MSN: variants seen among roughly 807,000 people sequenced by gnomAD.
MSN encodes the protein epididymis luminal protein 70.
MSN carries 2 observed loss-of-function variants against 48.0 expected under a neutral mutation model. That is an observed-to-expected ratio of 0.04 (90% confidence interval 0.02 to 0.13). The LOEUF is 0.13. Among genes scored for constraint, MSN ranks in the 10% least tolerant of loss-of-function variants. MSN has a pLI of 1.00. For missense variants in MSN, 267 were observed against 470.1 expected (o/e 0.57, Z 3.99); for synonymous variants, 146 against 166.9 (o/e 0.87, Z 0.97).
intron 1 of MSN, among the ~76,000 whole-genome samples, chrX:65,677,232 A>G (rs1329379051): frequency 9.0e-6 from 1 of 111,728 alleles, no homozygotes; most frequent in Non-Finnish European, 1.9e-5. Flanking sequence ...AATCTATGGT[A>G]TAGAGTTGGA....
intron 1 of MSN, among the ~76,000 whole-genome samples, chrX:65,653,497 T>C (rs1400421751): frequency 9.0e-6 from 1 of 110,608 alleles, no homozygotes; most frequent in Non-Finnish European, 1.9e-5. Flanking sequence ...GAGTAAAGAA[T>C]GAGAAAAAGT....
intron 2 of MSN, among the ~76,000 whole-genome samples, chrX:65,722,025 T>G (rs1332839006): frequency 1.8e-5 from 2 of 111,876 alleles, no homozygotes; most frequent in African/African-American, 6.5e-5. Context: ...AAGGTTACAG[T>G]GAGCTATGAT....
chrX:65,692,528 G>T (rs2071184269), intron 1 of MSN, among the ~76,000 whole-genome samples: 1 of 112,643 alleles, frequency 8.9e-6, no homozygotes, highest in Admixed American at 9.4e-5. Flanking sequence ...TATTTATCCA[G>T]GTTTGAGGCC....
At chrX:65,626,888 T>G (rs961893081) in intron 1 of MSN, among the ~76,000 whole-genome samples, 1 of 111,846 alleles carries the variant, frequency 8.9e-6, no homozygotes, top group Non-Finnish European at 1.9e-5. Flanking sequence ...TGATTTGTGA[T>G]TAATACCTGC....
intron 1 of MSN, among the ~76,000 whole-genome samples, chrX:65,618,233 C>A (rs2070395629): frequency 9.0e-6 from 1 of 111,432 alleles, no homozygotes; most frequent in Admixed American, 9.6e-5. Flanking sequence ...CCGCTTGGTG[C>A]AGAGCTGAGT....
intron 1 of MSN, among the ~76,000 whole-genome samples, chrX:65,694,686 A>G (rs758432282): frequency 8.0e-5 from 9 of 112,356 alleles, no homozygotes; most frequent in Non-Finnish European, 1.5e-4. Context: ...AGTGATGCCA[A>G]TGACTGGCCT....
At chrX:65,723,386 C>T (rs920890064) in intron 2 of MSN, among the ~76,000 whole-genome samples, 12 of 111,662 alleles carry the variant, frequency 1.1e-4, no homozygotes, top group Non-Finnish European at 1.7e-4. Flanking sequence ...ACCACACCCC[C>T]TATGTCCCTT....
chrX:65,644,505 G>C (rs772556012), intron 1 of MSN, among the ~76,000 whole-genome samples: 75 of 111,651 alleles, frequency 6.7e-4, no homozygotes, highest in Admixed American at 3.7e-3. Context: ...CCACCTCTCT[G>C]ACCCCCATAA....
At chrX:65,698,274 C>G (rs1398417668) in intron 1 of MSN, among the ~76,000 whole-genome samples, 2 of 112,175 alleles carry the variant, frequency 1.8e-5, no homozygotes, top group African/African-American at 6.5e-5. Flanking sequence ...AAGACTGTAC[C>G]TGAGAAACAC....
At chrX:65,718,343 A>C (rs1022299850) in intron 2 of MSN, among the ~76,000 whole-genome samples, 5 of 110,794 alleles carry the variant, frequency 4.5e-5, no homozygotes, top group African/African-American at 1.6e-4. Flanking sequence ...CTTACCTGTT[A>C]CTCAAAAATC....
intron 1 of MSN, among the ~76,000 whole-genome samples, chrX:65,615,538 T>A (rs1441898801): frequency 1.9e-3 from 208 of 108,327 alleles, no homozygotes; most frequent in Middle Eastern, 4.7e-3. Flanking sequence ...CTTCGCCCAC[T>A]TTTTGATGGG....
chrX:65,672,019 A>G (rs188099282), intron 1 of MSN, among the ~76,000 whole-genome samples: 3 of 112,125 alleles, frequency 2.7e-5, no homozygotes, highest in African/African-American at 9.7e-5. Flanking sequence ...CATCTAGTCT[A>G]TTTCCCCTGC....
chrX:65,603,122 C>T (rs944278355), intron 1 of MSN, among the ~76,000 whole-genome samples: 2 of 111,575 alleles, frequency 1.8e-5, no homozygotes, highest in East Asian at 2.8e-4. Context: ...GGTGAAACCT[C>T]GTCTCTACTA....
In MSN at chrX:65,646,271, G is replaced by T. The variant is rs185308169; in HGVS notation, c.-22+57659G>T. On this transcript the variant is annotated intron_variant, in intron 1 of 3. Transcript: ENST00000609672. ...CCTCTTTCATTTCTCCCCTCAACAGGGTTCCTCAGTTTTAACTTCCTGATC... is the reference window on the plus strand; with the variant it reads ...CCTCTTTCATTTCTCCCCTCAACAGTGTTCCTCAGTTTTAACTTCCTGATC... 1.2e-4 allele frequency among the ~76,000 whole-genome samples: 13 copies of T among 111,055 alleles called. No homozygotes were observed. In the East Asian group the frequency reaches 3.7e-3, roughly 31 times the overall value.
chrX:65,653,161 G>A (rs2070754381), intron 1 of MSN, among the ~76,000 whole-genome samples: 1 of 111,347 alleles, frequency 9.0e-6, no homozygotes, highest in Non-Finnish European at 1.9e-5. Flanking sequence ...ACAGAAAACT[G>A]GAGAATGGCT....
intron 1 of MSN, among the ~76,000 whole-genome samples, chrX:65,713,889 C>G (rs1456606321): frequency 8.9e-6 from 1 of 111,932 alleles, no homozygotes; most frequent in South Asian, 3.7e-4. Context: ...AAGCGATTCT[C>G]GTGCCTCAGC....
At position 65,601,838 on chromosome X, in the gene MSN, C is replaced by A. The variant is rs186249462; in HGVS notation, c.-22+13226C>A. Among the ~76,000 whole-genome samples the A allele has an allele frequency of 4.6e-3, 522 of 112,294 alleles. 1 individual carries two copies. Among genetic ancestry groups the A allele is most frequent in the African/African-American group, 0.016 (486 of 30,946 alleles). ...CTCAGTCTATCTGTTTCCTCTGATT[C>A]AAATACTATGAAGAGGGACTCATTG... On this transcript the variant is annotated intron_variant, in intron 1 of 3. Coordinates refer to the MSN transcript ENST00000609672.
intron 1 of MSN, among the ~76,000 whole-genome samples, chrX:65,696,344 A>G (rs1467372071): frequency 4.5e-5 from 5 of 111,660 alleles, no homozygotes; most frequent in South Asian, 7.4e-4. Context: ...GTCTGTGTCA[A>G]TGATGTGGGT....
intron 1 of MSN, among the ~76,000 whole-genome samples, chrX:65,606,349 G>C (rs2070279177): frequency 1.8e-5 from 2 of 108,750 alleles, no homozygotes; most frequent in African/African-American, 6.7e-5. Context: ...GGCAGGTCTT[G>C]ATCTCCTGAC....
Sources: gnomAD v4.1 joint callset for allele counts (sites outside exome capture counted in the v4.1 genomes callset) on GRCh38, gnomAD v4.1.1 for gene constraint, MANE v1.5 for transcripts, NCBI Gene and HGNC (gene_info 2026-07-23, HGNC 2026-07-21) for gene names.